The following GABRR2 variants were observed in gnomAD, a reference collection of about 807,000 sequenced individuals.
GABRR2 encodes gamma-aminobutyric acid type A receptor subunit rho2, also known as gamma-aminobutyric acid receptor subunit rho-2.
Under a neutral mutation model 47.0 loss-of-function variants are expected in GABRR2, and 36 were observed. The ratio of observed to expected loss-of-function variants is 0.77; its 90% CI spans 0.59 to 1.01. The LOEUF (loss-of-function observed/expected upper bound fraction) is 1.01, where lower values mean the gene tolerates loss of function less well. Among genes scored for constraint, GABRR2 ranks in the 50% least tolerant of loss-of-function variants. The pLI is 0.00. For missense variants in GABRR2, 587 were observed against 594.6 expected, an observed-to-expected ratio of 0.99 and a Z score of 0.13; for synonymous variants, 204 against 227.5, an observed-to-expected ratio of 0.90 and a Z score of 0.93.
At chr6:89,261,543 A>C (rs866445966) in intron 8 of GABRR2, among the ~76,000 whole-genome samples, 1 of 152,188 alleles carries the variant, frequency 6.6e-6, no homozygotes, top group Non-Finnish European at 1.5e-5. Context: ...ACCAGCATTA[A>C]TGCTGAAATA....
At chr6:89,276,045 A>G (rs1234444191) in intron 2 of GABRR2, among the ~76,000 whole-genome samples, 1 of 148,266 alleles carries the variant, frequency 6.7e-6, no homozygotes, top group Non-Finnish European at 1.5e-5. Context: ...TTAAAATATT[A>G]TAAATATAAA....
At chr6:89,292,768 ATCG>A (rs1774480424) in intron 2 of GABRR2, among the ~76,000 whole-genome samples, 1 of 40,348 alleles carries the variant, frequency 2.5e-5, no homozygotes, top group Non-Finnish European at 3.9e-5. Context: ...TATACGATAT[ATCG>A]TATATATCGT....
chr6:89,283,141 T>C (rs1774278307), intron 2 of GABRR2, among the ~76,000 whole-genome samples: 4 of 152,214 alleles, frequency 2.6e-5, no homozygotes, highest in Non-Finnish European at 1.5e-5. Flanking sequence ...CAGGATTTCG[T>C]CTTCTGTGAA....
chr6:89,302,598 C>T (rs1290274481), intron 1 of GABRR2: 1 of 1,147,168 alleles, frequency 8.7e-7, no homozygotes, highest in Non-Finnish European at 1.2e-6. Flanking sequence ...CCCGGGCAGC[C>T]AGCATTACCG....
In GABRR2 at chr6:89,306,789, A is replaced by T. The variant is rs575946117; in HGVS notation, c.114-6924T>A. Among the ~76,000 whole-genome samples the T allele has an allele frequency of 8.6e-3, 1,305 of 152,338 alleles. 13 individuals carry two copies. Among genetic ancestry groups the T allele is most frequent in the African/African-American group, 0.024 (1,006 of 41,580 alleles). ...GCTGACAGTTATTACTAAACAAAAA[A>T]AAAGAGAGAGAAAAGGAAAGAAGGA... On this transcript the variant is annotated intron_variant, in intron 1 of 8. Coordinates refer to ENST00000402938, the MANE Select transcript of GABRR2 (RefSeq NM_002043.5).
At chr6:89,312,027 G>A (rs1471020654) in intron 1 of GABRR2, among the ~76,000 whole-genome samples, 4 of 151,870 alleles carry the variant, frequency 2.6e-5, no homozygotes, top group African/African-American at 9.7e-5. Flanking sequence ...AAGGATGGCC[G>A]AGGTAGGGGT....
intron 8 of GABRR2, among the ~76,000 whole-genome samples, chr6:89,263,449 A>C (rs894866203): frequency 8.5e-5 from 13 of 152,110 alleles, no homozygotes; most frequent in Admixed American, 5.9e-4. Flanking sequence ...AGCCCCCCCA[A>C]CCCCTGCCTT....
intron 2 of GABRR2, among the ~76,000 whole-genome samples, chr6:89,275,732 T>G (rs1774147190): frequency 6.6e-6 from 1 of 152,204 alleles, no homozygotes; most frequent in African/African-American, 2.4e-5. Context: ...GAGATGCTTT[T>G]GATGACTTCA....
At chr6:89,264,250 T>C (rs1425515551) in intron 8 of GABRR2, among the ~76,000 whole-genome samples, 162 bp downstream of exon 8, 16 of 152,144 alleles carry the variant, frequency 1.1e-4, no homozygotes, top group Non-Finnish European at 1.5e-5. Context: ...CTGGAATCCT[T>C]TGGGGTAGAA....
chr6:89,262,401 T>C (rs1773770041), intron 8 of GABRR2, among the ~76,000 whole-genome samples: 1 of 152,212 alleles, frequency 6.6e-6, no homozygotes, highest in South Asian at 2.1e-4. Flanking sequence ...TATTTAGCCA[T>C]ATTCAGCATG....
intron 2 of GABRR2, among the ~76,000 whole-genome samples, chr6:89,299,044 C>T (rs947874317): frequency 2.6e-5 from 4 of 152,184 alleles, no homozygotes; most frequent in African/African-American, 9.7e-5. Flanking sequence ...TGTCTATAAA[C>T]TGCCCAATCT....
At chr6:89,278,922 C>T (rs973669156) in intron 2 of GABRR2, among the ~76,000 whole-genome samples, 1 of 152,204 alleles carries the variant, frequency 6.6e-6, no homozygotes, top group East Asian at 1.9e-4. Flanking sequence ...GGGTCATTCA[C>T]CAACCTGGAC....
At chr6:89,280,476 G>T (rs181072503) in intron 2 of GABRR2, among the ~76,000 whole-genome samples, 1 of 151,910 alleles carries the variant, frequency 6.6e-6, no homozygotes, top group East Asian at 1.9e-4. Flanking sequence ...GTCACTGAGG[G>T]TCACACTCTG....
At chr6:89,279,166 C>T (rs758725477) in intron 2 of GABRR2, among the ~76,000 whole-genome samples, 1 of 152,222 alleles carries the variant, frequency 6.6e-6, no homozygotes, top group African/African-American at 2.4e-5. Flanking sequence ...CCCGGCCTGG[C>T]CCTGCATCCC....
At chr6:89,260,248 G>A (rs970224060) in intron 8 of GABRR2, among the ~76,000 whole-genome samples, 6 of 152,096 alleles carry the variant, frequency 3.9e-5, no homozygotes, top group African/African-American at 1.4e-4. Context: ...CACCCAAACT[G>A]ATAAAATTGT....
chr6:89,310,792 A>G (rs1487039050), intron 1 of GABRR2, among the ~76,000 whole-genome samples: 1 of 152,134 alleles, frequency 6.6e-6, no homozygotes, highest in Non-Finnish European at 1.5e-5. Context: ...CTGCAGGGAC[A>G]AGCAGAGGCC....
At chr6:89,304,870 A>G (rs1242638985) in intron 1 of GABRR2, among the ~76,000 whole-genome samples, 2 of 152,214 alleles carry the variant, frequency 1.3e-5, no homozygotes, top group African/African-American at 4.8e-5. Flanking sequence ...CCATTGTGGC[A>G]AGCAGTGTTG....
chr6:89,285,551 G>C (rs569051416), intron 2 of GABRR2, among the ~76,000 whole-genome samples: 4 of 152,212 alleles, frequency 2.6e-5, no homozygotes, highest in Admixed American at 2.0e-4. Context: ...CATCACCCGG[G>C]CACTTAGAGA....
chr6:89,301,952 A>G (rs1582463308), intron 1 of GABRR2: 9 of 925,054 alleles, frequency 9.7e-6, no homozygotes, highest in East Asian at 2.4e-5. Flanking sequence ...GCCTCTTCTC[A>G]TAAGTATGTG....
Sources: allele counts gnomAD v4.1 joint callset (sites outside exome capture counted in the v4.1 genomes callset), GRCh38; gene constraint gnomAD v4.1.1; transcripts MANE v1.5; gene names NCBI Gene and HGNC (gene_info 2026-07-23, HGNC 2026-07-21).